GK: variants seen among roughly 807,000 people sequenced by gnomAD.
GK encodes the protein ATP:glycerol 3-phosphotransferase.
GK carries 9 observed loss-of-function variants against 56.4 expected under a neutral mutation model. The ratio of observed to expected loss-of-function variants is 0.16; its 90% CI spans 0.10 to 0.28. The LOEUF (loss-of-function observed/expected upper bound fraction) is 0.28. Ranked by LOEUF, GK falls within the 10% of genes least tolerant of loss-of-function variation. The probability of loss-of-function intolerance (pLI) is 1.00; values close to 1 mark genes in which losing one functional copy is unlikely to be tolerated. For synonymous variants in GK, 104 were observed against 144.1 expected (o/e 0.72, Z 1.99); for missense variants, 161 against 431.4 (o/e 0.37, Z 5.55).
chrX:30,679,392 AT>A (rs773992785), intron 4 of GK, among the ~76,000 whole-genome samples: 11 of 109,451 alleles, frequency 1.0e-4, no homozygotes, highest in Admixed American at 6.8e-4. Flanking sequence ...TAATTTTTGT[AT>A]TTTCAGTAGA....
At chrX:30,699,762 A>G (rs755133349) in intron 9 of GK, among the ~76,000 whole-genome samples, 6 of 111,497 alleles carry the variant, frequency 5.4e-5, no homozygotes, top group Non-Finnish European at 1.1e-4. Context: ...CAAGTCTACA[A>G]TCAGCCACTT....
intron 4 of GK, among the ~76,000 whole-genome samples, chrX:30,678,799 G>T (rs1268926306): frequency 9.9e-6 from 1 of 100,851 alleles, no homozygotes; most frequent in African/African-American, 3.7e-5. Context: ...CGATTCTCCT[G>T]CCTCAGCCTC....
intron 8 of GK, among the ~76,000 whole-genome samples, chrX:30,697,100 A>C (rs984706529): frequency 8.9e-6 from 1 of 112,916 alleles, no homozygotes; most frequent in African/African-American, 3.2e-5. Context: ...TGCCTGAGCA[A>C]AATTTAGCAA....
At chrX:30,668,969 T>C (rs1933273335) in intron 3 of GK, among the ~76,000 whole-genome samples, 1 of 109,861 alleles carries the variant, frequency 9.1e-6, no homozygotes, top group African/African-American at 3.3e-5. Flanking sequence ...AGTAGTGGGG[T>C]TGAGGGAAGA....
chrX:30,695,710 G>A (rs1322679652), intron 6 of GK, among the ~76,000 whole-genome samples: 5 of 112,031 alleles, frequency 4.5e-5, no homozygotes, highest in African/African-American at 6.5e-5. Context: ...ATTTCATCTC[G>A]CCGAATTTAA....
intron 3 of GK, among the ~76,000 whole-genome samples, chrX:30,670,349 A>G (rs1933395844): frequency 9.0e-6 from 1 of 111,722 alleles, no homozygotes. Flanking sequence ...CTTGGATGCT[A>G]TTCCTTTCTC....
chrX:30,720,198 C>A, intron 16 of GK, 103 bp downstream of exon 16: 1 of 560,373 alleles, frequency 1.8e-6, no homozygotes, highest in Non-Finnish European at 3.2e-6. Flanking sequence ...TGTAGTTAAT[C>A]AAATATTAAG....
chrX:30,680,034 G>A (rs749179036), intron 4 of GK, among the ~76,000 whole-genome samples: 42 of 111,741 alleles, frequency 3.8e-4, no homozygotes, highest in African/African-American at 1.4e-3. Context: ...GGGCCTTGAA[G>A]CGTATATTGG....
intron 13 of GK, among the ~76,000 whole-genome samples, chrX:30,708,776 A>G (rs1002054135): frequency 8.9e-6 from 1 of 112,081 alleles, no homozygotes; most frequent in Non-Finnish European, 1.9e-5. Flanking sequence ...CATTTCTTAT[A>G]AGCATTTCTA....
intron 13 of GK, among the ~76,000 whole-genome samples, chrX:30,715,957 T>A (rs948187564): frequency 8.9e-5 from 10 of 112,135 alleles, no homozygotes; most frequent in African/African-American, 3.2e-4. Flanking sequence ...TGTATTTTTT[T>A]TCTTTTGTTT....
At chrX:30,661,304 C>T (rs1932750915) in intron 1 of GK, among the ~76,000 whole-genome samples, 1 of 111,512 alleles carries the variant, frequency 9.0e-6, no homozygotes, top group Non-Finnish European at 1.9e-5. Flanking sequence ...CTCAGTTGCA[C>T]TGACCTGTAA....
In GK at chrX:30,731,135, T is replaced by G. The variant is rs1937324437; in HGVS notation, c.*2393T>G. 8.9e-6 allele frequency: 1 copy of G among 112,116 alleles called. No individual in the cohort carries two copies. Among genetic ancestry groups the G allele is most frequent in the Non-Finnish European group, 1.9e-5 (1 of 53,285 alleles). The allele number at this position is 112,116 out of a possible 1,213,427, so 9.2% of individuals were successfully genotyped here. On this transcript the variant is annotated 3_prime_UTR_variant, in exon 21 of 21. Coordinates refer to ENST00000427190, the MANE Select transcript of GK (RefSeq NM_001205019.2). ...GATATCTTAGAATTTTTAGTATGTT[T>G]CTTTTGAAGTGCCCAAAGCCCAATT...
At chrX:30,665,035 G>A (rs144336465) in intron 1 of GK, among the ~76,000 whole-genome samples, 1,246 of 109,041 alleles carry the variant, frequency 0.011, 29 homozygotes, top group African/African-American at 0.04. Flanking sequence ...AGCTAGATGC[G>A]TAGCCACACT....
chrX:30,694,290 G>A, intron 5 of GK, 110 bp from the exon 6 acceptor site: 5 of 660,534 alleles, frequency 7.6e-6, no homozygotes, highest in Non-Finnish European at 1.3e-5. Context: ...CTATGGGATT[G>A]CCTTCAGGGT....
rs1409380663 is a variant in GK at position 30,664,128 on chromosome X, C to A, written c.79-1383C>A. On this transcript the variant is annotated intron_variant, in intron 1 of 20. Coordinates refer to ENST00000427190, the MANE Select transcript of GK (RefSeq NM_001205019.2). Reference sequence around the variant, plus strand: ...TTATAGATATATATTTTATATAGATCTATATATATTTTATAGATATATATT... The same window carrying A: ...TTATAGATATATATTTTATATAGATATATATATATTTTATAGATATATATT... Among the ~76,000 whole-genome samples, 318 of 69,935 alleles carry A rather than the reference C, an allele frequency of 4.5e-3. 12 individuals are homozygous for A. Among genetic ancestry groups the A allele is most frequent in the African/African-American group, 0.017 (277 of 16,335 alleles). 60.7% of individuals were successfully genotyped at this position (69,935 alleles called of 115,157 possible).
chrX:30,723,169 G>A (rs1183071653), intron 18 of GK, among the ~76,000 whole-genome samples: 2 of 111,361 alleles, frequency 1.8e-5, no homozygotes, highest in African/African-American at 6.5e-5. Context: ...GCCGAGGCGG[G>A]CGGATCACGA....
chrX:30,681,660 T>G (rs4636357), intron 4 of GK, among the ~76,000 whole-genome samples: 4 of 109,889 alleles, frequency 3.6e-5, no homozygotes, highest in African/African-American at 1.3e-4. Flanking sequence ...ACCATACTTA[T>G]GCTGGGATAT....
At chrX:30,655,392 C>A (rs1264292466) in intron 1 of GK, among the ~76,000 whole-genome samples, 1 of 110,373 alleles carries the variant, frequency 9.1e-6, no homozygotes, top group Non-Finnish European at 1.9e-5. Context: ...AGGGACCAGG[C>A]AGGTAGAAGG....
At chrX:30,661,226 A>G (rs968837642) in intron 1 of GK, among the ~76,000 whole-genome samples, 2 of 111,607 alleles carry the variant, frequency 1.8e-5, no homozygotes, top group African/African-American at 6.5e-5. Flanking sequence ...AAAATTTGCA[A>G]TCTCCTATGC....
Sources: gnomAD v4.1 joint callset for allele counts (sites outside exome capture counted in the v4.1 genomes callset) on GRCh38, gnomAD v4.1.1 for gene constraint, MANE v1.5 for transcripts, NCBI Gene and HGNC (gene_info 2026-07-23, HGNC 2026-07-21) for gene names.